The following PCDH11X variants were observed in gnomAD, a reference collection of about 807,000 sequenced individuals.
PCDH11X encodes the protein protocadherin 11 X-linked.
A neutral mutation model predicts 53.3 loss-of-function variants in PCDH11X; 18 were observed. The observed-to-expected ratio is 0.34, with a 90% CI of 0.23 to 0.50. The LOEUF is 0.50. PCDH11X is among the 20% of genes least tolerant of loss of function. PCDH11X has a pLI of 0.98. For missense variants in PCDH11X, 570 were observed against 1,032.4 expected (o/e 0.55, Z 6.14); for synonymous variants, 279 against 393.3 (o/e 0.71, Z 3.44).
At chrX:91,974,615 A>G (rs1307076865) in intron 6 of PCDH11X, among the ~76,000 whole-genome samples, 1 of 110,012 alleles carries the variant, frequency 9.1e-6, no homozygotes, top group Non-Finnish European at 1.9e-5. Context: ...AGAGGAAATG[A>G]CAGGGAAGAT....
rs779082290 is a variant in PCDH11X at position 92,570,915 on chromosome X, TAAG to T, written c.3368-47344_3368-47342del. Among the ~76,000 whole-genome samples the T allele has an allele frequency of 9.0e-5, 10 of 110,574 alleles. 1 individual carries two copies. In the South Asian group the frequency reaches 3.0e-3, roughly 34 times the overall value. On this transcript the variant is annotated intron_variant, in intron 10 of 10. Coordinates refer to ENST00000682573, the MANE Select transcript of PCDH11X (RefSeq NM_032968.5). ...TGGGGAATGCATATTAGAACATAAA[TAAG>T]AAGAGAGAAAAAAGAATAAACACAT...
intron 8 of PCDH11X, among the ~76,000 whole-genome samples, chrX:92,266,590 G>A: frequency 9.0e-6 from 1 of 111,543 alleles, no homozygotes; most frequent in African/African-American, 3.3e-5. Flanking sequence ...TAAGCTAGTG[G>A]CATTCACAGC....
chrX:92,295,688 G>A (rs1404300188), intron 8 of PCDH11X, among the ~76,000 whole-genome samples: 1 of 100,951 alleles, frequency 9.9e-6, no homozygotes, highest in Non-Finnish European at 2.0e-5. Context: ...TCTATTCCTG[G>A]TGTGTTGAAT....
chrX:92,531,687 T>A (rs2074558167), intron 10 of PCDH11X, among the ~76,000 whole-genome samples: 2 of 109,085 alleles, frequency 1.8e-5, no homozygotes, highest in Admixed American at 2.0e-4. Context: ...ACTGACCCAT[T>A]TATATAATCT....
intron 4 of PCDH11X, among the ~76,000 whole-genome samples, chrX:91,821,271 C>A (rs1410128171): frequency 9.1e-6 from 1 of 109,788 alleles, no homozygotes; most frequent in Non-Finnish European, 1.9e-5. Context: ...GGCAGTATGG[C>A]CATTTTCACG....
intron 6 of PCDH11X, among the ~76,000 whole-genome samples, chrX:91,935,222 G>A (rs926712941): frequency 5.5e-5 from 6 of 109,387 alleles, no homozygotes; most frequent in Non-Finnish European, 1.1e-4. Context: ...AAGGAAATAT[G>A]CAAGTGAGGA....
intron 8 of PCDH11X, among the ~76,000 whole-genome samples, chrX:92,352,401 T>C (rs2070074896): frequency 8.9e-6 from 1 of 111,914 alleles, no homozygotes. Context: ...TGTATCATTT[T>C]TTTGATCTCC....
chrX:92,555,600 A>T (rs1462091247), intron 10 of PCDH11X, among the ~76,000 whole-genome samples: 1 of 111,701 alleles, frequency 9.0e-6, no homozygotes, highest in East Asian at 2.8e-4. Context: ...TCTTAAACTA[A>T]CACATTCATG....
At chrX:92,004,671 C>A (rs1383755169) in intron 6 of PCDH11X, among the ~76,000 whole-genome samples, 5 of 108,143 alleles carry the variant, frequency 4.6e-5, no homozygotes, top group Admixed American at 2.0e-4. Context: ...GTCTTGAAAT[C>A]TAATTTGTCT....
At chrX:92,192,494 C>T (rs1447060337) in intron 6 of PCDH11X, among the ~76,000 whole-genome samples, 1 of 109,531 alleles carries the variant, frequency 9.1e-6, no homozygotes, top group African/African-American at 3.3e-5. Flanking sequence ...AGGCGTGCGC[C>T]AACACGCCCA....
intron 4 of PCDH11X, chrX:91,834,595 C>A (rs1602324651): frequency 9.1e-6 from 1 of 110,081 alleles, no homozygotes; most frequent in South Asian, 3.9e-4. Flanking sequence ...GTCTAACTCT[C>A]CCATTGAATG....
At chrX:92,563,700 A>T (rs1921104523) in intron 10 of PCDH11X, among the ~76,000 whole-genome samples, 1 of 112,185 alleles carries the variant, frequency 8.9e-6, no homozygotes, top group Non-Finnish European at 1.9e-5. Flanking sequence ...TGAAATGCTA[A>T]AAGGTGTTCT....
At chrX:92,105,755 A>G (rs867352192) in intron 6 of PCDH11X, among the ~76,000 whole-genome samples, 8 of 109,821 alleles carry the variant, frequency 7.3e-5, no homozygotes, top group African/African-American at 1.0e-4. Context: ...AGTTAAGGCA[A>G]GGACCGGCCA....
intron 8 of PCDH11X, among the ~76,000 whole-genome samples, chrX:92,306,882 G>A (rs984090526): frequency 4.5e-5 from 5 of 111,198 alleles, no homozygotes; most frequent in African/African-American, 1.6e-4. Flanking sequence ...CCTGGAAGGT[G>A]GAGGTTGCAG....
chrX:92,568,212 GA>G lies in PCDH11X; in HGVS notation c.3368-50051del, dbSNP rs1405774078. On this transcript the variant is annotated intron_variant, in intron 10 of 10. Coordinates refer to ENST00000682573, the MANE Select transcript of PCDH11X (RefSeq NM_032968.5). ...CAAGGCGGGCAGATCACTAGGTCAG[GA>G]GATCGAGACCATCCTGACTAACACG... is the stretch of plus-strand genomic sequence containing the variant. 3.6e-5 allele frequency among the ~76,000 whole-genome samples: 4 copies of G among 109,999 alleles called. No individual in the cohort carries two copies. The East Asian group carries it at 1.1e-3, about 32-fold the overall frequency.
chrX:91,825,597 C>A (rs1330817176), intron 4 of PCDH11X, among the ~76,000 whole-genome samples: 1 of 110,819 alleles, frequency 9.0e-6, no homozygotes, highest in Non-Finnish European at 1.9e-5. Context: ...GTGAGATGAA[C>A]CCAGTACCTC....
At position 91,950,589 on chromosome X, in the gene PCDH11X, G is replaced by GAT. The variant is rs72440976; in HGVS notation, c.3033+71334_3033+71335dup. Among the ~76,000 whole-genome samples the GAT allele has an allele frequency of 7.7e-3, 766 of 99,407 alleles. 7 individuals are homozygous for GAT. The highest frequency in any genetic ancestry group is 0.021 in the Middle Eastern group (4 of 188). The allele number at this position is 99,407 out of a possible 115,157, so 86.3% of individuals were successfully genotyped here. A position where few individuals can be genotyped will look rare whatever the true frequency, so the allele number is the denominator to read the frequency against. Reference sequence around the variant, plus strand: ...GTGATTGATATATATATATAAATGTGATATATATATATATATATACACACA... The same window carrying GAT: ...GTGATTGATATATATATATAAATGTGATATATATATATATATATATACACACA... On this transcript the variant is annotated intron_variant, in intron 6 of 10. Transcript: ENST00000682573.
chrX:92,051,869 C>T (rs778805155), intron 6 of PCDH11X, among the ~76,000 whole-genome samples: 1 of 109,496 alleles, frequency 9.1e-6, no homozygotes, highest in African/African-American at 3.3e-5. Context: ...GACAGTATGA[C>T]ACTTAAATTA....
chrX:92,142,520 C>G (rs2065201333), intron 6 of PCDH11X, among the ~76,000 whole-genome samples: 1 of 110,735 alleles, frequency 9.0e-6, no homozygotes, highest in Admixed American at 9.7e-5. Context: ...GTGCCCGGCC[C>G]AAGTGCTAAA....
Sources: gnomAD v4.1 joint callset for allele counts (sites outside exome capture counted in the v4.1 genomes callset) on GRCh38, gnomAD v4.1.1 for gene constraint, MANE v1.5 for transcripts, NCBI Gene and HGNC (gene_info 2026-07-23, HGNC 2026-07-21) for gene names.